CCDC13: variants seen among roughly 807,000 people sequenced by gnomAD.
CCDC13 encodes the protein coiled-coil domain containing 13, also known as coiled-coil domain-containing protein 13.
A neutral mutation model predicts 87.3 loss-of-function variants in CCDC13; 70 were observed. That is an observed-to-expected ratio of 0.80 (90% CI 0.66 to 0.98). The LOEUF is 0.98. CCDC13 is among the 50% of genes least tolerant of loss of function. CCDC13 has a pLI of 0.00. For missense variants in CCDC13, 842 were observed against 892.0 expected, an observed-to-expected ratio of 0.94 and a Z score of 0.71; for synonymous variants, 317 against 360.3, an observed-to-expected ratio of 0.88 and a Z score of 1.36.
chr3:42,758,132 C>A lies in CCDC13; in HGVS notation c.214G>T (p.Glu72Ter). 1.2e-6 allele frequency: 2 copies of A among 1,613,630 alleles called. No homozygotes were observed. Among genetic ancestry groups the A allele is most frequent in the Non-Finnish European group, 1.7e-6 (2 of 1,179,878 alleles). The part of the protein sequence containing the change: ...AGEPNSKNSF[E>*]KRVLEDEIEH... The stretch of plus-strand genomic sequence containing the variant: ...TTTCAAACTTGCATTTACCTCTTCT[C>A]AAAGCTATTTTTCGAGTTTGGCTCC... The change falls in exon 2 of 16, where the codon GAG becomes TAG. Residue 72 changes from glutamate to a stop codon, truncating the protein, a stop_gained. Transcript: ENST00000310232. LOFTEE classifies it high-confidence loss of function.
rs531043907 is a variant in CCDC13, at chr3:42,736,689, G to A, written c.1165-776C>T. 5.3e-5 allele frequency among the ~76,000 whole-genome samples: 8 copies of A among 152,090 alleles called. No individual in the cohort carries two copies. In the South Asian group the frequency reaches 1.2e-3, roughly 24 times the overall value. ...CTAGATTTCTGGTCTTCTGTGCCCC[G>A]CTCACCACCCTATCATGTAAAGTGA... On this transcript the variant is annotated intron_variant, in intron 9 of 15. Transcript: ENST00000310232.
At chr3:42,709,565 G>T in intron 15 of CCDC13, 119 bp downstream of exon 15, 1 of 832,378 alleles carries the variant, frequency 1.2e-6, no homozygotes, top group Non-Finnish European at 2.0e-6. Context: ...GACCAAACAG[G>T]ACAAGCCTTC....
intron 1 of CCDC13, among the ~76,000 whole-genome samples, chr3:42,770,297 TG>T (rs1217352722): frequency 6.6e-6 from 1 of 152,168 alleles, no homozygotes; most frequent in African/African-American, 2.4e-5. Context: ...GCTAATCTGG[TG>T]GGGACTTTGA....
rs1699751356 is a variant in CCDC13 at position 42,758,198 on chromosome 3, G to A, written c.148C>T (p.Pro50Ser). The A allele has an allele frequency of 1.2e-6, 2 of 1,613,978 alleles. No individual in the cohort carries two copies. The highest frequency in any genetic ancestry group is 1.7e-6 in the Non-Finnish European group (2 of 1,180,042). ...CTGAGGCCATCTGAAACCTCCAAGG[G>A]CTCCTCTTGGTCGTCAGCTCTGCTT... ...LKSRADDQEE[P>S]LEVSDGLSLL... The change falls in exon 2 of 16, where the codon CCC (proline) becomes TCC (serine). Residue 50 changes from proline (P) to serine (S), a missense_variant. Pro to Ser is a moderately conservative substitution (Grantham distance 74). Coordinates refer to ENST00000310232, the MANE Select transcript of CCDC13 (RefSeq NM_144719.4).
intron 10 of CCDC13, 28 bp downstream of exon 10, chr3:42,735,679 G>T: frequency 6.2e-7 from 1 of 1,608,606 alleles, no homozygotes; most frequent in Non-Finnish European, 8.5e-7. Context: ...TTGAAAATGG[G>T]TTTGGGCGCT....
Position 42,733,482 on chromosome 3 carries a change from A to AGCCT in CCDC13, c.1495_1498dup (p.Leu500GlnfsTer34). 1 of 1,614,040 alleles carries AGCCT rather than the reference A, an allele frequency of 6.2e-7. No individual in the cohort carries two copies. On this transcript the variant is annotated frameshift_variant, in exon 11 of 16. Transcript: ENST00000310232. LOFTEE classifies it high-confidence loss of function. ...ATTGTTTTCTTACCGAGAAGATCCA[A>AGCCT]GCCTGCCAACATGATCGCCTGCTGA...
At chr3:42,712,723 G>A (rs1698340997) in intron 14 of CCDC13, among the ~76,000 whole-genome samples, 1 of 152,210 alleles carries the variant, frequency 6.6e-6, no homozygotes, top group African/African-American at 2.4e-5. Context: ...CCAAACCTCT[G>A]GTGAGGCTAC....
chr3:42,746,222 A>G, intron 6 of CCDC13, 195 bp from the exon 7 acceptor site: 1 of 555,502 alleles, frequency 1.8e-6, no homozygotes, highest in Non-Finnish European at 3.2e-6. Context: ...TAAACCCATC[A>G]TCCCTGGCAT....
intron 13 of CCDC13, among the ~76,000 whole-genome samples, chr3:42,715,373 CAT>C (rs1698407710): frequency 6.6e-6 from 1 of 151,692 alleles, no homozygotes; most frequent in Non-Finnish European, 1.5e-5. Context: ...CTTTGGGAGG[CAT>C]AGGTGGGTGG....
intron 2 of CCDC13, 64 bp downstream of exon 2, chr3:42,758,061 G>GCACACA: frequency 1.3e-6 from 1 of 766,600 alleles, no homozygotes; most frequent in Non-Finnish European, 1.9e-6. Flanking sequence ...AGCTCCGGTG[G>GCACACA]TACACACACA....
intron 1 of CCDC13, among the ~76,000 whole-genome samples, chr3:42,763,593 C>T (rs1266313620): frequency 1.7e-4 from 26 of 151,726 alleles, no homozygotes. Context: ...CAACCTCTGC[C>T]TCCTGGGCTC....
At chr3:42,719,121 C>T (rs572076309) in intron 13 of CCDC13, 1 of 152,348 alleles carries the variant, frequency 6.6e-6, no homozygotes, top group South Asian at 2.1e-4. Flanking sequence ...ATGTTAACTG[C>T]TATTCTCTTT....
chr3:42,727,996 T>C (rs149035055), intron 13 of CCDC13, among the ~76,000 whole-genome samples: 236 of 152,320 alleles, frequency 1.5e-3, no homozygotes, highest in Middle Eastern at 6.8e-3. Flanking sequence ...AATTCCCAGA[T>C]TAAATTTAAG....
intron 3 of CCDC13, among the ~76,000 whole-genome samples, chr3:42,754,531 C>G (rs953687246): frequency 6.6e-6 from 1 of 152,176 alleles, no homozygotes; most frequent in African/African-American, 2.4e-5. Flanking sequence ...CAGCAGAGGT[C>G]TGGTTCTGGT....
At chr3:42,734,301 G>T (rs1453430073) in intron 10 of CCDC13, among the ~76,000 whole-genome samples, 22 of 152,188 alleles carry the variant, frequency 1.4e-4, no homozygotes, top group Non-Finnish European at 2.1e-4. Context: ...GTAATGCTTG[G>T]CCCCCATTCA....
intron 4 of CCDC13, 100 bp downstream of exon 4, chr3:42,752,475 C>G: frequency 1.4e-6 from 2 of 1,481,402 alleles, no homozygotes; most frequent in Non-Finnish European, 1.8e-6. Flanking sequence ...CTTAACCTTC[C>G]AACTTCAGCT....
At chr3:42,749,334 T>C (rs193204054) in intron 5 of CCDC13, among the ~76,000 whole-genome samples, 170 of 152,336 alleles carry the variant, frequency 1.1e-3, no homozygotes, top group Admixed American at 1.9e-3. Context: ...CCCTGCAGCA[T>C]CTCTTTGATC....
At chr3:42,749,787 A>T in intron 5 of CCDC13, 1 of 448,100 alleles carries the variant, frequency 2.2e-6, no homozygotes, top group South Asian at 1.6e-5. Context: ...AGCGCAGTAC[A>T]TGGGGAGCAG....
chr3:42,743,085 CA>C (rs1482892222), intron 7 of CCDC13, 28 bp from the exon 8 acceptor site: 1 of 1,612,512 alleles, frequency 6.2e-7, no homozygotes, highest in Admixed American at 1.7e-5. Flanking sequence ...CGTCGTTCCA[CA>C]ATGGGTCTTC....
Sources: gnomAD v4.1 joint callset for allele counts (sites outside exome capture counted in the v4.1 genomes callset) on GRCh38, gnomAD v4.1.1 for gene constraint, MANE v1.5 for transcripts, NCBI Gene and HGNC (gene_info 2026-07-23, HGNC 2026-07-21) for gene names.